FRMD6: variants seen among roughly 807,000 people sequenced by gnomAD.
FRMD6 encodes FERM domain containing 6.
A neutral mutation model predicts 73.2 loss-of-function variants in FRMD6; 37 were observed. The ratio of observed to expected loss-of-function variants is 0.51; its 90% CI spans 0.39 to 0.66. The LOEUF is 0.66. Ranked by LOEUF, FRMD6 falls within the 30% of genes least tolerant of loss-of-function variation. The pLI, the probability that FRMD6 is intolerant of heterozygous loss-of-function variation, is 0.00. For missense variants in FRMD6, 714 were observed against 780.5 expected, an observed-to-expected ratio of 0.91 and a Z score of 1.02; for synonymous variants, 273 against 282.2, an observed-to-expected ratio of 0.97 and a Z score of 0.33.
chr14:51,563,652 A>G (rs1283455206), intron 1 of FRMD6, among the ~76,000 whole-genome samples: 1 of 152,210 alleles, frequency 6.6e-6, no homozygotes, highest in Non-Finnish European at 1.5e-5. Flanking sequence ...CCTAGGCAAT[A>G]GAGCGAGATT....
At chr14:51,576,466 G>A (rs551383994) in intron 2 of FRMD6, among the ~76,000 whole-genome samples, 14 of 152,208 alleles carry the variant, frequency 9.2e-5, no homozygotes, top group African/African-American at 2.9e-4. Flanking sequence ...TTCTGAACTC[G>A]GGCATGCCTA....
chr14:51,636,152 C>A (rs988484009), intron 2 of FRMD6, among the ~76,000 whole-genome samples: 1 of 152,104 alleles, frequency 6.6e-6, no homozygotes, highest in African/African-American at 2.4e-5. Flanking sequence ...GATGGTGGAT[C>A]CCCGCCCCAT....
chr14:51,423,308 A>G, the FRMD6 span, among the ~76,000 whole-genome samples: 6 of 152,180 alleles, frequency 3.9e-5, no homozygotes, highest in East Asian at 1.9e-4. Context: ...ATTTCCTTAC[A>G]TGGGGGCACC....
At chr14:51,621,373 T>C (rs986436996) in intron 2 of FRMD6, among the ~76,000 whole-genome samples, 2 of 152,152 alleles carry the variant, frequency 1.3e-5, no homozygotes, top group South Asian at 2.1e-4. Context: ...CTTTCTCTTA[T>C]AGTGATGAAC....
At chr14:51,490,533 G>A (rs1358515447) in intron 1 of FRMD6, among the ~76,000 whole-genome samples, 2 of 151,992 alleles carry the variant, frequency 1.3e-5, no homozygotes, top group Non-Finnish European at 2.9e-5. Context: ...CTGTGTTTTG[G>A]GCACCGTGCT....
rs200859821 is a variant in FRMD6, at chr14:51,679,299, C to T, written c.-146-10392C>T. On this transcript the variant is annotated intron_variant, in intron 1 of 13. Transcript: ENST00000344768. ...CTAAGATTATATAAAAATATACACA[C>T]GTGTATAGATGTATATATTTGCTAT... Among the ~76,000 whole-genome samples the T allele has an allele frequency of 7.9e-5, 12 of 151,472 alleles. No individual in the cohort carries two copies. The South Asian group carries it at 8.3e-4, about 11-fold the overall frequency.
At chr14:51,707,479 T>C (rs1232070201) in intron 6 of FRMD6, among the ~76,000 whole-genome samples, 1 of 152,192 alleles carries the variant, frequency 6.6e-6, no homozygotes, top group East Asian at 1.9e-4. Context: ...CAGAGTACTG[T>C]CTGATGAAAA....
At chr14:51,673,344 A>G (rs1168441119) in intron 1 of FRMD6, among the ~76,000 whole-genome samples, 1 of 151,896 alleles carries the variant, frequency 6.6e-6, no homozygotes, top group East Asian at 1.9e-4. Context: ...TTGTACCTCT[A>G]TCTGGGTTCC....
chr14:51,412,858 T>A, the FRMD6 span, among the ~76,000 whole-genome samples: 298 of 147,326 alleles, frequency 2.0e-3, 3 homozygotes, highest in East Asian at 0.037. Flanking sequence ...TCTAAAAAAA[T>A]AAAATAAAAT....
At chr14:51,691,464 A>G (rs1038603192) in intron 2 of FRMD6, among the ~76,000 whole-genome samples, 11 of 152,120 alleles carry the variant, frequency 7.2e-5, no homozygotes, top group Admixed American at 3.3e-4. Flanking sequence ...TGTGTTATCA[A>G]CTTTCATACT....
At chr14:51,399,481 T>C in the FRMD6 span, among the ~76,000 whole-genome samples, 1 of 152,322 alleles carries the variant, frequency 6.6e-6, no homozygotes, top group African/African-American at 2.4e-5. Context: ...GGATATATCA[T>C]CTGAGTTAGA....
At chr14:51,461,665 C>T in the FRMD6 span, among the ~76,000 whole-genome samples, 18 of 152,228 alleles carry the variant, frequency 1.2e-4, no homozygotes, top group Non-Finnish European at 2.1e-4. Flanking sequence ...AGGGCCCCAA[C>T]AGGTGAGAAC....
At chr14:51,416,852 A>G in the FRMD6 span, among the ~76,000 whole-genome samples, 1 of 152,140 alleles carries the variant, frequency 6.6e-6, no homozygotes, top group African/African-American at 2.4e-5. Flanking sequence ...TTGGGTGCAT[A>G]TATATTTAGG....
upstream of FRMD6, among the ~76,000 whole-genome samples, chr14:51,487,369 A>T (rs190039420): frequency 2.3e-4 from 35 of 152,358 alleles, no homozygotes; most frequent in East Asian, 3.9e-3. Context: ...ACTGGAAAAA[A>T]TGCTGCTGAC....
the FRMD6 span, among the ~76,000 whole-genome samples, chr14:51,426,011 T>TCTAC: frequency 3.9e-3 from 587 of 151,826 alleles, 2 homozygotes; most frequent in East Asian, 8.7e-3. Flanking sequence ...ACTTTATATA[T>TCTAC]TTTTTCCTCT....
Position 51,598,205 on chromosome 14 carries a change from C to CA in FRMD6, c.-147+27801dup, listed in dbSNP as rs536242968. 6.4e-4 allele frequency among the ~76,000 whole-genome samples: 98 copies of CA among 152,152 alleles called. 1 individual carries two copies. In the East Asian group the frequency reaches 0.014, roughly 22 times the overall value. Reference sequence around the variant, plus strand: ...AAAACTAATTTCTCCCCCTAGCCCCCAAAAAACCAAACCAGAAATTAACAT... The same window carrying CA: ...AAAACTAATTTCTCCCCCTAGCCCCCAAAAAAACCAAACCAGAAATTAACAT... On this transcript the variant is annotated intron_variant, in intron 2 of 14. Coordinates refer to the FRMD6 transcript ENST00000356218.
At chr14:51,561,904 TA>T (rs1887503523) in intron 1 of FRMD6, among the ~76,000 whole-genome samples, 1 of 152,262 alleles carries the variant, frequency 6.6e-6, no homozygotes, top group African/African-American at 2.4e-5. Flanking sequence ...ATATTTAGTT[TA>T]TCTTTGCTAG....
At chr14:51,569,002 C>T (rs1461910504) in intron 1 of FRMD6, among the ~76,000 whole-genome samples, 1 of 152,074 alleles carries the variant, frequency 6.6e-6, no homozygotes, top group East Asian at 1.9e-4. Flanking sequence ...GGTGCCACCA[C>T]GCCTGGCTAA....
chr14:51,413,115 C>G, the FRMD6 span, among the ~76,000 whole-genome samples: 2 of 151,468 alleles, frequency 1.3e-5, no homozygotes, highest in South Asian at 4.2e-4. Flanking sequence ...CTCAGCCTCC[C>G]GAGTAGCAGG....
Sources: gnomAD v4.1 joint callset for allele counts (sites outside exome capture counted in the v4.1 genomes callset) on GRCh38, gnomAD v4.1.1 for gene constraint, MANE v1.5 for transcripts, NCBI Gene and HGNC (gene_info 2026-07-23, HGNC 2026-07-21) for gene names.